The following PNPLA1 variants were observed in gnomAD, a reference collection of about 807,000 sequenced individuals.
PNPLA1 encodes patatin like domain 1, omega-hydroxyceramide transacylase, also known as omega-hydroxyceramide transacylase.
PNPLA1 carries 36 observed loss-of-function variants against 51.7 expected under a neutral mutation model. The observed-to-expected ratio is 0.70, with a 90% CI of 0.53 to 0.92. PNPLA1 has a LOEUF of 0.92. Ranked by LOEUF, PNPLA1 falls within the 40% of genes least tolerant of loss-of-function variation. The probability of loss-of-function intolerance (pLI) is 0.00; values close to 1 mark genes in which losing one functional copy is unlikely to be tolerated. For missense variants in PNPLA1, 658 were observed against 682.5 expected, an observed-to-expected ratio of 0.96 and a Z score of 0.40; for synonymous variants, 293 against 280.1, an observed-to-expected ratio of 1.05 and a Z score of -0.46.
At chr6:36,292,328 C>A (rs927076625) in intron 2 of PNPLA1, among the ~76,000 whole-genome samples, 1 of 152,116 alleles carries the variant, frequency 6.6e-6, no homozygotes, top group Non-Finnish European at 1.5e-5. Flanking sequence ...GCAGCCAGCT[C>A]TTCCAGATCT....
chr6:36,273,227 C>T (rs1266670298), intron 1 of PNPLA1, among the ~76,000 whole-genome samples: 1 of 150,098 alleles, frequency 6.7e-6, no homozygotes, highest in Non-Finnish European at 1.5e-5. Context: ...GTAACAAAGC[C>T]AGACTCTGTC....
At chr6:36,309,358 C>T (rs9462171) in intron 8 of PNPLA1, among the ~76,000 whole-genome samples, 7 of 151,918 alleles carry the variant, frequency 4.6e-5, no homozygotes, top group African/African-American at 1.5e-4. Context: ...AGCCCCAACA[C>T]TTCCCTGACC....
chr6:36,302,652 T>C (rs576762078), intron 6 of PNPLA1, among the ~76,000 whole-genome samples, 183 bp downstream of exon 6: 1 of 152,326 alleles, frequency 6.6e-6, no homozygotes, highest in East Asian at 1.9e-4. Flanking sequence ...TAGACATTGG[T>C]TCATTTCCCT....
chr6:36,283,754 G>A (rs1770391857), intron 1 of PNPLA1, among the ~76,000 whole-genome samples: 1 of 152,234 alleles, frequency 6.6e-6, no homozygotes, highest in Admixed American at 6.5e-5. Context: ...CACTGCCTGT[G>A]GTTTGCCTCA....
At chr6:36,272,393 C>A (rs181044507) in intron 1 of PNPLA1, among the ~76,000 whole-genome samples, 6 of 152,156 alleles carry the variant, frequency 3.9e-5, no homozygotes, top group Non-Finnish European at 8.8e-5. Flanking sequence ...GATGGGGAGC[C>A]GCTGTAAATA....
intron 1 of PNPLA1, 83 bp downstream of exon 1, chr6:36,270,747 G>C: frequency 6.8e-7 from 1 of 1,471,136 alleles, no homozygotes; most frequent in East Asian, 2.5e-5. Context: ...GGCTGGGGAT[G>C]CTTTGGGGGA....
chr6:36,305,374 A>G (rs1048321028), intron 6 of PNPLA1, among the ~76,000 whole-genome samples: 4 of 152,346 alleles, frequency 2.6e-5, no homozygotes, highest in African/African-American at 9.6e-5. Flanking sequence ...AAATTGTTAA[A>G]AGCCCTAGGA....
chr6:36,252,618 A>G (rs1348033817), intron 1 of PNPLA1, among the ~76,000 whole-genome samples: 1 of 151,510 alleles, frequency 6.6e-6, no homozygotes, highest in Non-Finnish European at 1.5e-5. Flanking sequence ...GAAGACACCC[A>G]CTCCACAAGA....
intron 1 of PNPLA1, among the ~76,000 whole-genome samples, chr6:36,264,926 AC>A (rs1414071104): frequency 9.2e-5 from 14 of 152,276 alleles, no homozygotes; most frequent in Admixed American, 2.0e-4. Context: ...AAAATTCCTG[AC>A]TTTTTGGAAA....
At chr6:36,280,937 G>A (rs1386501617) in intron 1 of PNPLA1, among the ~76,000 whole-genome samples, 1 of 152,102 alleles carries the variant, frequency 6.6e-6, no homozygotes, top group Non-Finnish European at 1.5e-5. Context: ...CTATAAGCAC[G>A]TGCCACCATG....
chr6:36,300,161 TTGTG>T (rs145503312), intron 5 of PNPLA1, among the ~76,000 whole-genome samples: 40 of 102,942 alleles, frequency 3.9e-4, no homozygotes, highest in African/African-American at 1.2e-3. Context: ...TTTCTTATTC[TTGTG>T]TGTGTGTGTG....
At chr6:36,266,644 CAGGG>C (rs1453100154), upstream of PNPLA1, among the ~76,000 whole-genome samples, 1 of 152,164 alleles carries the variant, frequency 6.6e-6, no homozygotes, top group African/African-American at 2.4e-5. Context: ...AGCTGCTTTA[CAGGG>C]AGGTGGGCAA....
chr6:36,302,512 G>T (rs1364243504), intron 6 of PNPLA1, 43 bp downstream of exon 6: 9 of 1,512,328 alleles, frequency 6.0e-6, no homozygotes, highest in Non-Finnish European at 7.1e-6. Flanking sequence ...CATGCCTGGA[G>T]CCCCTTGGCA....
At chr6:36,280,498 G>A (rs563330537) in intron 1 of PNPLA1, among the ~76,000 whole-genome samples, 1 of 152,314 alleles carries the variant, frequency 6.6e-6, no homozygotes, top group East Asian at 1.9e-4. Context: ...ATGGGAGGCT[G>A]TGTTTTTTCA....
intron 1 of PNPLA1, among the ~76,000 whole-genome samples, chr6:36,277,435 G>A (rs1460608033): frequency 6.6e-6 from 1 of 152,222 alleles, no homozygotes; most frequent in African/African-American, 2.4e-5. Context: ...AAAAATTGGA[G>A]GTTCGATTAC....
chr6:36,299,126 G>A lies in PNPLA1; in HGVS notation c.776-2735G>A, dbSNP rs151001012. Reference sequence around the variant, plus strand: ...ACACTGGAGTTGCTTCCATCTTTCGGCTATTGTGGATAATGCTGCAGTGCC... The same window carrying A: ...ACACTGGAGTTGCTTCCATCTTTCGACTATTGTGGATAATGCTGCAGTGCC... On this transcript the variant is annotated intron_variant, in intron 5 of 8. Transcript: ENST00000636260. 2.8e-3 allele frequency among the ~76,000 whole-genome samples: 429 copies of A among 152,130 alleles called. 1 individual carries two copies. Among genetic ancestry groups the A allele is most frequent in the African/African-American group, 0.01 (418 of 41,502 alleles).
chr6:36,306,527 C>G, intron 7 of PNPLA1, 151 bp downstream of exon 7: 1 of 691,074 alleles, frequency 1.4e-6, no homozygotes, highest in Non-Finnish European at 2.4e-6. Flanking sequence ...CACCCCTTTA[C>G]ATCTCACAAA....
Position 36,270,637 on chromosome 6 carries a change from G to A in PNPLA1, c.178G>A (p.Ala60Thr), listed in dbSNP as rs1029691431. 1.5e-5 allele frequency: 23 copies of A among 1,551,122 alleles called. No individual in the cohort carries two copies. Among genetic ancestry groups the A allele is most frequent in the Middle Eastern group, 1.7e-4 (1 of 5,782 alleles). The change falls in exon 1 of 9, where the codon GCC becomes ACC. Residue 60 changes from alanine (A) to threonine (T), a missense_variant. By Grantham distance (58) the Ala-to-Thr change is moderately conservative (BLOSUM62 0). Coordinates refer to ENST00000636260, the MANE Select transcript of PNPLA1 (RefSeq NM_001374623.1). ...GACATCGGCAGGTGCTGTGATCGCC[G>A]CCCTGGCCATCTGCGGGATTGAAAT... Reference protein sequence around the residue: ...AGTSAGAVIAALAICGIEMDE... With the variant: ...AGTSAGAVIATLAICGIEMDE...
intron 1 of PNPLA1, among the ~76,000 whole-genome samples, chr6:36,254,548 A>T (rs981586793): frequency 1.8e-4 from 28 of 152,034 alleles, no homozygotes; most frequent in Non-Finnish European, 2.2e-4. Context: ...GCATTCCAGC[A>T]TAGGCGACGG....
Sources: gnomAD v4.1 joint callset for allele counts (sites outside exome capture counted in the v4.1 genomes callset) on GRCh38, gnomAD v4.1.1 for gene constraint, MANE v1.5 for transcripts, NCBI Gene and HGNC (gene_info 2026-07-23, HGNC 2026-07-21) for gene names.